GRM1: variants seen among roughly 807,000 people sequenced by gnomAD.
GRM1 encodes glutamate metabotropic receptor 1.
A neutral mutation model predicts 90.9 loss-of-function variants in GRM1; 33 were observed. The observed-to-expected ratio is 0.36, with a 90% CI of 0.28 to 0.49. The LOEUF (loss-of-function observed/expected upper bound fraction) is 0.49, where lower values mean the gene tolerates loss of function less well. Among genes scored for constraint, GRM1 ranks in the 20% least tolerant of loss-of-function variants. The pLI, the probability that GRM1 is intolerant of heterozygous loss-of-function variation, is 0.99. For missense variants in GRM1, 1,190 were observed against 1,534.3 expected (o/e 0.78, Z 3.75); for synonymous variants, 700 against 613.2 (o/e 1.14, Z -2.09).
intron 2 of GRM1, among the ~76,000 whole-genome samples, chr6:146,277,412 G>A (rs955193755): frequency 6.6e-6 from 1 of 151,884 alleles, no homozygotes; most frequent in East Asian, 2.0e-4. Context: ...AGATCAAATA[G>A]TTTAGGCTAA....
At chr6:146,136,342 T>C (rs1212799913) in intron 1 of GRM1, among the ~76,000 whole-genome samples, 1 of 152,218 alleles carries the variant, frequency 6.6e-6, no homozygotes, top group Non-Finnish European at 1.5e-5. Flanking sequence ...TTTAGTTTTT[T>C]GAGGAGCCTC....
intron 2 of GRM1, among the ~76,000 whole-genome samples, chr6:146,272,139 C>G (rs979924056): frequency 1.3e-5 from 2 of 152,116 alleles, no homozygotes; most frequent in African/African-American, 4.8e-5. Flanking sequence ...ATAAAGTAAG[C>G]ATTTGGCTAT....
intron 2 of GRM1, among the ~76,000 whole-genome samples, chr6:146,263,051 C>A (rs1022719201): frequency 6.6e-6 from 1 of 151,884 alleles, no homozygotes; most frequent in Non-Finnish European, 1.5e-5. Context: ...ATCAAACTGG[C>A]AATATGTATT....
At chr6:146,279,534 T>G (rs2114849859) in intron 2 of GRM1, among the ~76,000 whole-genome samples, 1 of 152,264 alleles carries the variant, frequency 6.6e-6, no homozygotes, top group East Asian at 1.9e-4. Context: ...GTTAAAAAAT[T>G]TTCTATTTAC....
intron 2 of GRM1, among the ~76,000 whole-genome samples, chr6:146,290,869 G>C (rs967132711): frequency 6.6e-6 from 1 of 152,094 alleles, no homozygotes; most frequent in Non-Finnish European, 1.5e-5. Context: ...AGTTGATGCT[G>C]TAATGGGTTG....
chr6:146,187,607 G>T (rs1304520325), intron 2 of GRM1, among the ~76,000 whole-genome samples: 1 of 151,948 alleles, frequency 6.6e-6, no homozygotes, highest in Non-Finnish European at 1.5e-5. Flanking sequence ...AAGTAGAGGG[G>T]AGGCAAAGAC....
chr6:146,228,502 A>C (rs1421333208), intron 2 of GRM1, among the ~76,000 whole-genome samples: 1 of 152,156 alleles, frequency 6.6e-6, no homozygotes, highest in East Asian at 1.9e-4. Context: ...ATCACTCCTA[A>C]TGCTGTTACA....
At chr6:146,110,482 G>A (rs148236160) in intron 1 of GRM1, among the ~76,000 whole-genome samples, 105 of 152,176 alleles carry the variant, frequency 6.9e-4, no homozygotes, top group African/African-American at 2.5e-3. Flanking sequence ...TCCTTCTTTT[G>A]TACATTGCCC....
chr6:146,217,227 C>T (rs886310479), intron 2 of GRM1, among the ~76,000 whole-genome samples: 4 of 152,122 alleles, frequency 2.6e-5, no homozygotes, highest in African/African-American at 9.7e-5. Flanking sequence ...CATTATGACA[C>T]ACAGAATACC....
At chr6:146,273,008 CA>C (rs1293943574) in intron 2 of GRM1, among the ~76,000 whole-genome samples, 1 of 152,154 alleles carries the variant, frequency 6.6e-6, no homozygotes, top group Non-Finnish European at 1.5e-5. Flanking sequence ...GGGCAAAAGA[CA>C]GGTCTTTCTT....
At chr6:146,129,300 G>C (rs75332785) in intron 1 of GRM1, among the ~76,000 whole-genome samples, 1 of 152,148 alleles carries the variant, frequency 6.6e-6, no homozygotes, top group Non-Finnish European at 1.5e-5. Flanking sequence ...AGCAGTGACT[G>C]GTTTCAGAGT....
chr6:146,389,248 G>A (rs1776626356), intron 6 of GRM1, among the ~76,000 whole-genome samples: 4 of 151,946 alleles, frequency 2.6e-5, no homozygotes, highest in African/African-American at 9.7e-5. Context: ...CTCTTTATGA[G>A]GTTAATCTTA....
At chr6:146,045,813 T>C (rs1027558780) in intron 1 of GRM1, among the ~76,000 whole-genome samples, 9 of 151,378 alleles carry the variant, frequency 5.9e-5, no homozygotes, top group African/African-American at 2.2e-4. Context: ...TAGACTCTAC[T>C]TATTATCACT....
At chr6:146,111,263 G>C (rs558586650) in intron 1 of GRM1, among the ~76,000 whole-genome samples, 4 of 152,280 alleles carry the variant, frequency 2.6e-5, no homozygotes, top group Non-Finnish European at 1.5e-5. Context: ...GAGCCATCTG[G>C]GTTTGGGTTC....
chr6:146,266,521 T>G (rs903584733), intron 2 of GRM1, among the ~76,000 whole-genome samples: 1 of 152,208 alleles, frequency 6.6e-6, no homozygotes, highest in Non-Finnish European at 1.5e-5. Context: ...CTTCAGTCTT[T>G]TCTTTAATAT....
At chr6:146,244,427 A>G (rs1335606954) in intron 2 of GRM1, among the ~76,000 whole-genome samples, 1 of 152,198 alleles carries the variant, frequency 6.6e-6, no homozygotes, top group Admixed American at 6.6e-5. Flanking sequence ...GGGGTCCCTG[A>G]CTTCCATTAA....
chr6:146,401,638 CT>C lies in GRM1; in HGVS notation c.2660+1940del, dbSNP rs1451977692. Among the ~76,000 whole-genome samples the C allele has an allele frequency of 4.6e-5, 7 of 152,308 alleles. No individual in the cohort carries two copies. The East Asian group carries it at 5.8e-4, about 13-fold the overall frequency. On this transcript the variant is annotated intron_variant, in intron 7 of 7. Transcript: ENST00000282753. Reference sequence around the variant, plus strand: ...TCCACCATTATTCCACTCCATGTTTCTAATTACCTTGCCTTTATTATGGTTC... The same window carrying C: ...TCCACCATTATTCCACTCCATGTTTCAATTACCTTGCCTTTATTATGGTTC...
At chr6:146,035,009 A>G (rs1372234111) in intron 1 of GRM1, among the ~76,000 whole-genome samples, 2 of 151,986 alleles carry the variant, frequency 1.3e-5, no homozygotes, top group Non-Finnish European at 2.9e-5. Context: ...AGTTTATTCA[A>G]TTGTAGGGAA....
intron 2 of GRM1, among the ~76,000 whole-genome samples, chr6:146,170,317 A>G (rs919956203): frequency 1.3e-5 from 2 of 152,270 alleles, no homozygotes; most frequent in African/African-American, 4.8e-5. Flanking sequence ...GCAAATTTGG[A>G]AAGTTTTCAA....
Sources: gnomAD v4.1 joint callset for allele counts (sites outside exome capture counted in the v4.1 genomes callset) on GRCh38, gnomAD v4.1.1 for gene constraint, MANE v1.5 for transcripts, NCBI Gene and HGNC (gene_info 2026-07-23, HGNC 2026-07-21) for gene names.